Variants in BCR observed in about 807,000 individuals in gnomAD.
BCR encodes BCR activator of RhoGEF and GTPase, also known as breakpoint cluster region protein.
Under a neutral mutation model 138.6 loss-of-function variants are expected in BCR, and 58 were observed. The ratio of observed to expected loss-of-function variants is 0.42; its 90% confidence interval spans 0.34 to 0.52. BCR has a LOEUF of 0.52. Ranked by LOEUF, BCR falls within the 20% of genes least tolerant of loss-of-function variation. The pLI is 0.06. For synonymous variants in BCR, 786 were observed against 730.1 expected (o/e 1.08, Z -1.23); for missense variants, 1,599 against 1,727.2 (o/e 0.93, Z 1.32).
intron 8 of BCR, 190 bp from the exon 9 acceptor site, chr22:23,283,787 T>C (rs1273418948): frequency 3.0e-6 from 2 of 675,546 alleles, no homozygotes; most frequent in Non-Finnish European, 2.4e-6. Flanking sequence ...AGCCCTGATG[T>C]GTTAGCAGGA....
intron 14 of BCR, chr22:23,290,892 G>GT (rs746345052): frequency 4.9e-4 from 96 of 196,416 alleles, no homozygotes; most frequent in Admixed American, 1.3e-3. Flanking sequence ...GTGAAGGCTG[G>GT]TAACACATGA....
chr22:23,268,653 C>T (rs1216867844), intron 5 of BCR, 138 bp downstream of exon 5: 6 of 810,382 alleles, frequency 7.4e-6, no homozygotes, highest in Middle Eastern at 2.2e-4. Context: ...GGGTTCGTTG[C>T]GTCAGCCCTG....
chr22:23,263,410 A>C, intron 4 of BCR: 1 of 1,263,478 alleles, frequency 7.9e-7, no homozygotes, highest in Middle Eastern at 1.9e-4. Flanking sequence ...GTCCCAGTGA[A>C]GGTGTCTCAG....
rs1568972472 is a variant in BCR at position 23,283,852 on chromosome 22, G to A, written c.2116-125G>A. On this transcript the variant is annotated intron_variant, in intron 8 of 22. Transcript: ENST00000305877. ...TGGGTGTGAGGGTCAGATGTGGAGG[G>A]AGTGAAATCTTCCCAGGGAGAGAAT... 3 of 1,284,948 alleles carry A rather than the reference G, an allele frequency of 2.3e-6. No individual in the cohort carries two copies. In the East Asian group the frequency reaches 7.8e-5, roughly 33 times the overall value. 79.6% of individuals were successfully genotyped at this position (1,284,948 alleles called of 1,614,324 possible).
intron 1 of BCR, among the ~76,000 whole-genome samples, chr22:23,219,542 C>G (rs1468126676): frequency 6.6e-6 from 1 of 152,088 alleles, no homozygotes; most frequent in African/African-American, 2.4e-5. Context: ...GACCGCTGTT[C>G]CCTTCTCACA....
At chr22:23,284,938 G>C in intron 9 of BCR, 95 bp from the exon 10 acceptor site, 5 of 1,396,836 alleles carry the variant, frequency 3.6e-6, no homozygotes, top group Non-Finnish European at 4.9e-6. Flanking sequence ...AACCATGTAT[G>C]GCCGAGAACA....
intron 1 of BCR, chr22:23,199,274 T>C (rs762036401): frequency 1.9e-6 from 1 of 518,854 alleles, no homozygotes; most frequent in Non-Finnish European, 3.8e-6. Context: ...CCAGGAAGGC[T>C]CTAGAAAGGA....
chr22:23,289,936 C>A, intron 13 of BCR: 1 of 514,996 alleles, frequency 1.9e-6, no homozygotes, highest in Non-Finnish European at 3.5e-6. Context: ...CCTCCCAGCC[C>A]TCCTCTCCTC....
intron 1 of BCR, among the ~76,000 whole-genome samples, chr22:23,239,991 A>G (rs2073071369): frequency 6.6e-6 from 1 of 151,800 alleles, no homozygotes; most frequent in Admixed American, 6.6e-5. Flanking sequence ...TAATTTTTAT[A>G]TTTTTTTGTA....
intron 1 of BCR, among the ~76,000 whole-genome samples, chr22:23,211,888 C>A (rs999311562): frequency 2.0e-5 from 3 of 152,134 alleles, no homozygotes; most frequent in Non-Finnish European, 4.4e-5. Context: ...TCAGTTCCTT[C>A]TTGAGCCTGG....
intron 1 of BCR, among the ~76,000 whole-genome samples, chr22:23,211,655 TTTTTG>T (rs143530091): frequency 4.0e-4 from 60 of 151,792 alleles, no homozygotes; most frequent in African/African-American, 1.4e-3. Context: ...TGGCTAGTTT[TTTTTG>T]TTTTGTTTTG....
chr22:23,261,665 C>T, intron 4 of BCR, 125 bp downstream of exon 4: 2 of 1,005,030 alleles, frequency 2.0e-6, no homozygotes, highest in South Asian at 3.4e-5. Context: ...CTCCTAACCT[C>T]AAGTGATCCA....
intron 1 of BCR, among the ~76,000 whole-genome samples, chr22:23,236,551 G>A (rs745384902): frequency 3.9e-5 from 6 of 152,218 alleles, no homozygotes; most frequent in African/African-American, 7.2e-5. Context: ...ACAGGGCAAC[G>A]CACACCTACT....
At chr22:23,260,781 C>T in intron 2 of BCR, 169 bp from the exon 3 acceptor site, 1 of 641,918 alleles carries the variant, frequency 1.6e-6, no homozygotes, top group Non-Finnish European at 2.8e-6. Context: ...GAGTGTGTGG[C>T]TTAGTATGTG....
chr22:23,206,971 CTCCATCCA>C (rs1367191677), intron 1 of BCR, among the ~76,000 whole-genome samples: 2 of 141,290 alleles, frequency 1.4e-5, no homozygotes, highest in African/African-American at 2.8e-5. Context: ...CCCTCCCTCC[CTCCATCCA>C]TCCATCCATC....
At chr22:23,201,680 C>G (rs1009429317) in intron 1 of BCR, among the ~76,000 whole-genome samples, 9 of 152,196 alleles carry the variant, frequency 5.9e-5, no homozygotes, top group African/African-American at 1.7e-4. Context: ...TGGTCTCGAT[C>G]TCCTGACCTT....
At chr22:23,198,444 G>T in intron 1 of BCR, 1 of 408,984 alleles carries the variant, frequency 2.4e-6, no homozygotes. Flanking sequence ...AGGTGGCTGG[G>T]TTACTGCTGA....
chr22:23,290,734 G>T (rs7364231), intron 14 of BCR: 45,758 of 359,486 alleles, frequency 0.13, 3,374 homozygotes, highest in Middle Eastern at 0.2. Context: ...CCGGGAGTGT[G>T]GGGTCCAAGC....
Position 23,180,873 on chromosome 22 carries a change from C to T in BCR, c.-88C>T. On this transcript the variant is annotated 5_prime_UTR_variant, in exon 1 of 23. Coordinates refer to ENST00000305877, the MANE Select transcript of BCR (RefSeq NM_004327.4). ...CGCGCGGGCCATGGGGGCCGCCCGGCGCCCGGGGCCGGGCTGGCGAGGCGC... is the reference window on the plus strand; with the variant it reads ...CGCGCGGGCCATGGGGGCCGCCCGGTGCCCGGGGCCGGGCTGGCGAGGCGC... 5.5e-6 allele frequency: 4 copies of T among 729,528 alleles called. No homozygotes were observed. Among genetic ancestry groups the T allele is most frequent in the Non-Finnish European group, 6.0e-6 (4 of 666,444 alleles). 45.2% of individuals were successfully genotyped at this position (729,528 alleles called of 1,614,324 possible). A position where few individuals can be genotyped will look rare whatever the true frequency, so the allele number is the denominator to read the frequency against.
Sources: gnomAD v4.1 joint callset for allele counts (sites outside exome capture counted in the v4.1 genomes callset) on GRCh38, gnomAD v4.1.1 for gene constraint, MANE v1.5 for transcripts, NCBI Gene and HGNC (gene_info 2026-07-23, HGNC 2026-07-21) for gene names.